Variants in HS3ST2 observed in about 807,000 individuals in gnomAD.
HS3ST2 encodes heparan sulfate glucosamine 3-O-sulfotransferase 2.
A neutral mutation model predicts 26.3 loss-of-function variants in HS3ST2; 17 were observed. The observed-to-expected ratio is 0.65, with a 90% CI of 0.44 to 0.97. The LOEUF (loss-of-function observed/expected upper bound fraction) is 0.97, where lower values mean the gene tolerates loss of function less well. Among genes scored for constraint, HS3ST2 ranks in the 50% least tolerant of loss-of-function variants. The probability of loss-of-function intolerance (pLI) is 0.00; values close to 1 mark genes in which losing one functional copy is unlikely to be tolerated. For missense variants in HS3ST2, 402 were observed against 501.2 expected (o/e 0.80, Z 1.89); for synonymous variants, 237 against 219.2 (o/e 1.08, Z -0.72).
chr16:22,888,628 G>T (rs184116921), intron 1 of HS3ST2, among the ~76,000 whole-genome samples: 10 of 151,932 alleles, frequency 6.6e-5, no homozygotes, highest in Admixed American at 5.2e-4. Flanking sequence ...CTTGTGATCC[G>T]CCCGCCTCGG....
intron 1 of HS3ST2, among the ~76,000 whole-genome samples, chr16:22,912,748 C>T (rs887565798): frequency 6.6e-6 from 1 of 152,050 alleles, no homozygotes; most frequent in South Asian, 2.1e-4. Context: ...TACCACCCTA[C>T]AAAAAGGGTG....
At chr16:22,833,306 G>A in intron 1 of HS3ST2, 1 of 456,036 alleles carries the variant, frequency 2.2e-6, no homozygotes, top group Non-Finnish European at 4.4e-6. Context: ...GTGGTTGTCG[G>A]TGCACACACT....
chr16:22,826,222 G>C (rs987262283), intron 1 of HS3ST2, among the ~76,000 whole-genome samples: 4 of 152,126 alleles, frequency 2.6e-5, no homozygotes, highest in African/African-American at 9.7e-5. Context: ...AGCATTTGTG[G>C]GGTTGTAGAG....
At chr16:22,872,719 G>A (rs561844051) in intron 1 of HS3ST2, among the ~76,000 whole-genome samples, 167 of 152,276 alleles carry the variant, frequency 1.1e-3, no homozygotes, top group African/African-American at 3.7e-3. Context: ...CATTGAGGAT[G>A]GGGAGAGAGC....
intron 1 of HS3ST2, among the ~76,000 whole-genome samples, chr16:22,817,616 C>T (rs556121567): frequency 5.9e-5 from 9 of 152,300 alleles, no homozygotes; most frequent in African/African-American, 1.9e-4. Flanking sequence ...GAGCTAGGTA[C>T]GGTGGGTGAC....
At chr16:22,850,270 C>T (rs1190166792) in intron 1 of HS3ST2, among the ~76,000 whole-genome samples, 1 of 151,936 alleles carries the variant, frequency 6.6e-6, no homozygotes, top group Non-Finnish European at 1.5e-5. Context: ...GCAACTGTAA[C>T]TGTTCACTCT....
Position 22,827,227 on chromosome 16 carries a change from A to G in HS3ST2, c.485+12132A>G, listed in dbSNP as rs113019302. On this transcript the variant is annotated intron_variant, in intron 1 of 1. Transcript: ENST00000261374. Reference sequence around the variant, plus strand: ...GGAAAACCCAGGGGCCAGTATGTCCAGGGTGGAGTGCCCAAGAAGTGCACA... The same window carrying G: ...GGAAAACCCAGGGGCCAGTATGTCCGGGGTGGAGTGCCCAAGAAGTGCACA... Among the ~76,000 whole-genome samples, 240 of 152,328 alleles carry G rather than the reference A, an allele frequency of 1.6e-3. 2 individuals are homozygous for G. Among genetic ancestry groups the G allele is most frequent in the Middle Eastern group, 6.8e-3 (2 of 294 alleles).
In HS3ST2 at chr16:22,823,558, G is replaced by A. The variant is rs116850418; in HGVS notation, c.485+8463G>A. On this transcript the variant is annotated intron_variant, in intron 1 of 1. Coordinates refer to ENST00000261374, the MANE Select transcript of HS3ST2 (RefSeq NM_006043.2). ...CAGCACTTTTGGAGGCCGACGCTGG[G>A]TAATCGCTTCAGCCCAGGAGTTGGA... 5.2e-3 allele frequency among the ~76,000 whole-genome samples: 785 copies of A among 151,802 alleles called. 5 individuals carry two copies. The highest frequency in any genetic ancestry group is 0.027 in the Middle Eastern group (8 of 294).
At position 22,915,088 on chromosome 16, in the gene HS3ST2, T is replaced by A. The variant is rs1902475414; in HGVS notation, c.630T>A (p.Arg210=). 6.2e-7 allele frequency: 1 copy of A among 1,613,756 alleles called. No individual in the cohort carries two copies. Among genetic ancestry groups the A allele is most frequent in the African/African-American group, 1.3e-5 (1 of 74,820 alleles). Residue 210 remains arginine, a synonymous_variant, in exon 2 of 2, where the codon CGT becomes CGA. Transcript: ENST00000261374. ...TGGTTGTGCGGAACCCTGTGACCCG[T>A]GCCATCTCTGATTACACGCAGACAC... is the stretch of plus-strand genomic sequence containing the variant. ...LIVVVRNPVT[R]AISDYTQTLS... is the part of the protein sequence containing the mutation.
At chr16:22,855,181 T>A (rs1476427709) in intron 1 of HS3ST2, among the ~76,000 whole-genome samples, 8 of 152,154 alleles carry the variant, frequency 5.3e-5, no homozygotes, top group Admixed American at 5.2e-4. Flanking sequence ...GGCCTCACAT[T>A]TCTCCCCTTG....
chr16:22,870,727 C>A (rs988233496), intron 1 of HS3ST2, among the ~76,000 whole-genome samples: 14 of 152,102 alleles, frequency 9.2e-5, no homozygotes, highest in Non-Finnish European at 1.9e-4. Context: ...ATGCCCAGCT[C>A]CTTCACCCCT....
chr16:22,905,421 TTTG>T (rs1159033246), intron 1 of HS3ST2, among the ~76,000 whole-genome samples: 9 of 151,582 alleles, frequency 5.9e-5, no homozygotes, highest in African/African-American at 2.2e-4. Context: ...TTTTTTTGTG[TTTG>T]TTTTTTTTTT....
intron 1 of HS3ST2, among the ~76,000 whole-genome samples, chr16:22,854,475 G>C (rs941013181): frequency 2.6e-5 from 4 of 151,702 alleles, no homozygotes; most frequent in African/African-American, 9.7e-5. Flanking sequence ...TTGGTATCTT[G>C]TTCACAGATA....
chr16:22,884,458 T>C lies in HS3ST2; in HGVS notation c.486-30486T>C, dbSNP rs116596432. Among the ~76,000 whole-genome samples the C allele has an allele frequency of 8.7e-3, 1,328 of 151,996 alleles. 24 individuals carry two copies. Among genetic ancestry groups the C allele is most frequent in the African/African-American group, 0.03 (1,241 of 41,448 alleles). Reference sequence around the variant, plus strand: ...CAATAGTTTACGGAGAGGATGCGGGTGTTTGCGGGACTCTCCGTAACTTCT... The same window carrying C: ...CAATAGTTTACGGAGAGGATGCGGGCGTTTGCGGGACTCTCCGTAACTTCT... On this transcript the variant is annotated intron_variant, in intron 1 of 1. Transcript: ENST00000261374.
intron 1 of HS3ST2, among the ~76,000 whole-genome samples, chr16:22,905,955 A>G (rs1902345165): frequency 6.6e-6 from 1 of 152,200 alleles, no homozygotes. Flanking sequence ...TTTTTTCTCC[A>G]AGACGCACCC....
intron 1 of HS3ST2, among the ~76,000 whole-genome samples, chr16:22,903,242 C>A (rs150438638): frequency 6.6e-6 from 1 of 152,124 alleles, no homozygotes; most frequent in Non-Finnish European, 1.5e-5. Context: ...TCTCTGTGTC[C>A]TAGTTTCCTC....
At chr16:22,857,327 T>C (rs886599452) in intron 1 of HS3ST2, among the ~76,000 whole-genome samples, 2 of 152,244 alleles carry the variant, frequency 1.3e-5, no homozygotes, top group African/African-American at 4.8e-5. Context: ...CACCGTCTTC[T>C]TTCTTCAAGC....
rs1269555431 is a variant in HS3ST2 at position 22,814,268 on chromosome 16, C to T, written c.-343C>T. ...GCCGAGCGTTTCGTGAGCGGCGCTC[C>T]GAGGATCAGGAATGGGGCTTCGGGC... On this transcript the variant is annotated 5_prime_UTR_variant, in exon 1 of 2. Coordinates refer to ENST00000261374, the MANE Select transcript of HS3ST2 (RefSeq NM_006043.2). The T allele has an allele frequency of 1.3e-5, 3 of 225,948 alleles. No homozygotes were observed. The highest frequency in any genetic ancestry group is 8.7e-5 in the East Asian group (1 of 11,442). The allele number at this position is 225,948 out of a possible 1,614,324, so 14.0% of individuals were successfully genotyped here.
At chr16:22,836,149 A>G (rs1901250992) in intron 1 of HS3ST2, among the ~76,000 whole-genome samples, 2 of 152,226 alleles carry the variant, frequency 1.3e-5, no homozygotes, top group Non-Finnish European at 2.9e-5. Context: ...GATACTGAAA[A>G]AAAGGATTAG....
Sources: gnomAD v4.1 joint callset for allele counts (sites outside exome capture counted in the v4.1 genomes callset) on GRCh38, gnomAD v4.1.1 for gene constraint, MANE v1.5 for transcripts, NCBI Gene and HGNC (gene_info 2026-07-23, HGNC 2026-07-21) for gene names.